The following DDR2 variants were observed in gnomAD, a reference collection of about 807,000 sequenced individuals.
The protein encoded by DDR2 is discoidin domain receptor tyrosine kinase 2, also known as discoidin domain-containing receptor 2.
In DDR2, 27 loss-of-function variants were observed where a neutral mutation model predicts 94.9. The observed-to-expected ratio is 0.28, with a 90% CI of 0.21 to 0.39. DDR2 has a LOEUF of 0.39. Among genes scored for constraint, DDR2 ranks in the 10% least tolerant of loss-of-function variants. DDR2 has a pLI of 1.00. For synonymous variants in DDR2, 382 were observed against 377.2 expected, an observed-to-expected ratio of 1.01 and a Z score of -0.15; for missense variants, 783 against 1,076.0, an observed-to-expected ratio of 0.73 and a Z score of 3.81.
At chr1:162,740,194 A>T (rs1278037638) in intron 3 of DDR2, among the ~76,000 whole-genome samples, 1 of 152,210 alleles carries the variant, frequency 6.6e-6, no homozygotes, top group Non-Finnish European at 1.5e-5. Flanking sequence ...TAGGACTCAC[A>T]CGTGGTACAT....
At chr1:162,736,226 C>T (rs1162006295) in intron 3 of DDR2, among the ~76,000 whole-genome samples, 2 of 152,238 alleles carry the variant, frequency 1.3e-5, no homozygotes, top group Non-Finnish European at 2.9e-5. Context: ...TAAAACCTCT[C>T]CAGGCTTTTC....
At chr1:162,760,579 TATACAACTA>T (rs1663678962) in intron 8 of DDR2, among the ~76,000 whole-genome samples, 3 of 149,314 alleles carry the variant, frequency 2.0e-5, no homozygotes, top group African/African-American at 7.4e-5. Flanking sequence ...TGTATATACA[TATACAACTA>T]GATATATGTA....
At chr1:162,741,455 C>A in intron 3 of DDR2, 1 of 386,230 alleles carries the variant, frequency 2.6e-6, no homozygotes, top group Non-Finnish European at 3.5e-6. Context: ...TTGAGATACT[C>A]AACCTGTATA....
intron 12 of DDR2, among the ~76,000 whole-genome samples, chr1:162,771,284 T>C (rs1664254335): frequency 6.6e-6 from 1 of 152,100 alleles, no homozygotes; most frequent in African/African-American, 2.4e-5. Context: ...AGAAAAGAAC[T>C]TGTAGTGTTC....
At chr1:162,769,694 T>C (rs1396932201) in intron 11 of DDR2, among the ~76,000 whole-genome samples, 1 of 152,210 alleles carries the variant, frequency 6.6e-6, no homozygotes, top group Non-Finnish European at 1.5e-5. Flanking sequence ...ACCACAGAAG[T>C]AGTTGCTTTG....
Position 162,780,314 on chromosome 1 carries a change from C to G in DDR2, c.*68C>G. The G allele has an allele frequency of 6.2e-7, 1 of 1,606,218 alleles. No individual in the cohort carries two copies. Among genetic ancestry groups the G allele is most frequent in the Non-Finnish European group, 8.5e-7 (1 of 1,174,608 alleles). On this transcript the variant is annotated 3_prime_UTR_variant, in exon 18 of 18. Transcript: ENST00000367921. ...CTACAAGACCTACCACTCACCCATGCCTATGCCACTCCATCTGGACATTTA... is the reference window on the plus strand; with the variant it reads ...CTACAAGACCTACCACTCACCCATGGCTATGCCACTCCATCTGGACATTTA...
chr1:162,729,769 G>A (rs1661928380), intron 3 of DDR2, among the ~76,000 whole-genome samples: 1 of 151,176 alleles, frequency 6.6e-6, no homozygotes, highest in Non-Finnish European at 1.5e-5. Context: ...TTTAAATGGA[G>A]TTTCACTCTT....
chr1:162,673,494 A>C (rs1407567774), intron 2 of DDR2, among the ~76,000 whole-genome samples: 1 of 152,146 alleles, frequency 6.6e-6, no homozygotes. Flanking sequence ...TCCTATTAAA[A>C]GATGAGAAGA....
intron 2 of DDR2, among the ~76,000 whole-genome samples, chr1:162,700,226 G>A (rs531307559): frequency 1.3e-5 from 2 of 152,260 alleles, no homozygotes; most frequent in South Asian, 2.1e-4. Flanking sequence ...GATGTTTGGC[G>A]ACAATATCCT....
intron 1 of DDR2, among the ~76,000 whole-genome samples, chr1:162,638,688 A>C (rs932581085): frequency 6.6e-6 from 1 of 152,194 alleles, no homozygotes; most frequent in African/African-American, 2.4e-5. Flanking sequence ...TTCAAAAGCT[A>C]CTGGCACTTG....
intron 2 of DDR2, among the ~76,000 whole-genome samples, chr1:162,667,464 G>A (rs940327434): frequency 6.6e-6 from 1 of 152,140 alleles, no homozygotes; most frequent in African/African-American, 2.4e-5. Flanking sequence ...TAAAGCACAA[G>A]TCAACAGGAA....
intron 3 of DDR2, among the ~76,000 whole-genome samples, chr1:162,743,888 A>C (rs550496792): frequency 6.6e-6 from 1 of 152,350 alleles, no homozygotes; most frequent in Non-Finnish European, 1.5e-5. Context: ...TTCCCCCAGG[A>C]AACAACTGAT....
At chr1:162,690,805 C>T (rs573389757) in intron 2 of DDR2, among the ~76,000 whole-genome samples, 1 of 152,292 alleles carries the variant, frequency 6.6e-6, no homozygotes, top group South Asian at 2.1e-4. Context: ...GATTCTCCTG[C>T]GCTGGCCCTC....
chr1:162,761,957 T>C (rs928036538), intron 9 of DDR2, among the ~76,000 whole-genome samples: 5 of 152,232 alleles, frequency 3.3e-5, no homozygotes, highest in African/African-American at 9.6e-5. Flanking sequence ...ATAATTGGAC[T>C]GCATCTAAGA....
At chr1:162,645,116 T>C (rs1657343570) in intron 1 of DDR2, among the ~76,000 whole-genome samples, 1 of 152,220 alleles carries the variant, frequency 6.6e-6, no homozygotes, top group Admixed American at 6.5e-5. Context: ...AAGTTGCTGA[T>C]GAAGCAGATT....
chr1:162,785,951 G>A lies in DDR2; in HGVS notation c.*5705G>A, dbSNP rs1648131154. 3 of 152,156 alleles carry A rather than the reference G, an allele frequency of 2.0e-5. No individual in the cohort carries two copies. Among genetic ancestry groups the A allele is most frequent in the Admixed American group, 2.0e-4 (3 of 15,272 alleles). The allele number at this position is 152,156 out of a possible 1,614,324, so 9.4% of individuals were successfully genotyped here. ...CTCATACCCAGCCTATTTGAAACAA[G>A]CTATCTAGTTTCTCCTGCAGACACC... On this transcript the variant is annotated 3_prime_UTR_variant, in exon 18 of 18. Transcript: ENST00000367921.
intron 2 of DDR2, among the ~76,000 whole-genome samples, chr1:162,699,682 G>A (rs777658042): frequency 2.6e-5 from 4 of 152,156 alleles, no homozygotes; most frequent in African/African-American, 7.2e-5. Flanking sequence ...GAATATCTTC[G>A]ATGAATTCAG....
intron 2 of DDR2, among the ~76,000 whole-genome samples, chr1:162,672,263 G>A (rs941485401): frequency 1.2e-4 from 18 of 152,102 alleles, no homozygotes; most frequent in African/African-American, 4.3e-4. Context: ...GAGTTGTGAT[G>A]GGGATTAAAT....
intron 2 of DDR2, among the ~76,000 whole-genome samples, chr1:162,665,892 T>G (rs1339125115): frequency 2.0e-5 from 3 of 152,216 alleles, no homozygotes; most frequent in Non-Finnish European, 4.4e-5. Context: ...TCAGAGGATT[T>G]CTTTTTTCCA....
Sources: gnomAD v4.1 joint callset for allele counts (sites outside exome capture counted in the v4.1 genomes callset) on GRCh38, gnomAD v4.1.1 for gene constraint, MANE v1.5 for transcripts, NCBI Gene and HGNC (gene_info 2026-07-23, HGNC 2026-07-21) for gene names.